The following DENND1A variants were observed in gnomAD, a reference collection of about 807,000 sequenced individuals.
The protein encoded by DENND1A is DENN domain-containing protein 1A.
A neutral mutation model predicts 113.7 loss-of-function variants in DENND1A; 51 were observed. The observed-to-expected ratio is 0.45, with a 90% CI of 0.36 to 0.57. The LOEUF is 0.57. Ranked by LOEUF, DENND1A falls within the 20% of genes least tolerant of loss-of-function variation. The pLI is 0.00. For synonymous variants in DENND1A, 565 were observed against 570.8 expected (o/e 0.99, Z 0.14); for missense variants, 1,258 against 1,395.9 (o/e 0.90, Z 1.57).
intron 10 of DENND1A, among the ~76,000 whole-genome samples, chr9:123,612,424 C>T (rs2060459288): frequency 6.6e-6 from 1 of 152,156 alleles, no homozygotes; most frequent in African/African-American, 2.4e-5. Flanking sequence ...AGAAAAACAC[C>T]TACCCATGAT....
intron 13 of DENND1A, among the ~76,000 whole-genome samples, chr9:123,545,612 G>A (rs73578144): frequency 0.05 from 7,667 of 151,882 alleles, 367 homozygotes; most frequent in African/African-American, 0.12. Flanking sequence ...GACTACAGGC[G>A]CCCGCCACCA....
chr9:123,783,107 C>A (rs1361336462), intron 3 of DENND1A, among the ~76,000 whole-genome samples: 1 of 152,182 alleles, frequency 6.6e-6, no homozygotes, highest in Non-Finnish European at 1.5e-5. Flanking sequence ...TACTAAATTT[C>A]TGAAGTTTTG....
intron 1 of DENND1A, among the ~76,000 whole-genome samples, chr9:123,890,449 G>A (rs1437994921): frequency 6.6e-6 from 1 of 152,182 alleles, no homozygotes; most frequent in Non-Finnish European, 1.5e-5. Context: ...TTGATGACTT[G>A]CTTTTATGTT....
intron 19 of DENND1A, among the ~76,000 whole-genome samples, chr9:123,435,090 G>T (rs115203374): frequency 6.6e-6 from 1 of 152,154 alleles, no homozygotes; most frequent in East Asian, 1.9e-4. Context: ...AGTGAGTTTG[G>T]TGGGGAGTGT....
At chr9:123,915,431 A>T (rs1161729256) in intron 1 of DENND1A, among the ~76,000 whole-genome samples, 1 of 152,186 alleles carries the variant, frequency 6.6e-6, no homozygotes, top group African/African-American at 2.4e-5. Flanking sequence ...ATAATGTTAA[A>T]GCATAACTTT....
intron 2 of DENND1A, among the ~76,000 whole-genome samples, chr9:123,840,725 T>TTAA (rs1378044425): frequency 6.6e-6 from 1 of 152,166 alleles, no homozygotes; most frequent in Non-Finnish European, 1.5e-5. Flanking sequence ...ACTCACTATA[T>TTAA]TAACCCTAAC....
At chr9:123,808,320 A>C (rs754781444) in intron 2 of DENND1A, among the ~76,000 whole-genome samples, 2 of 152,122 alleles carry the variant, frequency 1.3e-5, no homozygotes, top group African/African-American at 4.8e-5. Flanking sequence ...GCATGCATCA[A>C]AGTCACCTGA....
At chr9:123,900,935 A>T (rs1851516412) in intron 1 of DENND1A, among the ~76,000 whole-genome samples, 1 of 152,340 alleles carries the variant, frequency 6.6e-6, no homozygotes, top group African/African-American at 2.4e-5. Context: ...TAAACATGAA[A>T]ATTTAACAAG....
intron 4 of DENND1A, among the ~76,000 whole-genome samples, chr9:123,758,553 T>C (rs1011438841): frequency 3.3e-5 from 5 of 152,202 alleles, no homozygotes. Flanking sequence ...CCTAAATTCC[T>C]ATATCTTTCA....
chr9:123,832,409 C>T (rs538158918), intron 2 of DENND1A, among the ~76,000 whole-genome samples: 14 of 152,262 alleles, frequency 9.2e-5, no homozygotes, highest in African/African-American at 3.4e-4. Flanking sequence ...GCAAGAGGAG[C>T]TCACACAGCA....
At chr9:123,516,915 A>AAAAAAAAAAAAAC (rs2053973741) in intron 13 of DENND1A, among the ~76,000 whole-genome samples, 1 of 144,674 alleles carries the variant, frequency 6.9e-6, no homozygotes, top group Non-Finnish European at 1.5e-5. Context: ...AAAAAAAAAA[A>AAAAAAAAAAAAAC]AAAAGAACGG....
At chr9:123,719,438 T>C (rs1383888454) in intron 5 of DENND1A, among the ~76,000 whole-genome samples, 5 of 152,090 alleles carry the variant, frequency 3.3e-5, no homozygotes, top group African/African-American at 1.2e-4. Flanking sequence ...CGCCTGGGAG[T>C]GCTCTCTAGG....
At chr9:123,474,609 T>C (rs1188815143) in intron 13 of DENND1A, among the ~76,000 whole-genome samples, 1 of 152,186 alleles carries the variant, frequency 6.6e-6, no homozygotes, top group African/African-American at 2.4e-5. Context: ...GGAAACTGTC[T>C]GGTGTTGGAG....
chr9:123,582,285 C>A (rs868473881), intron 12 of DENND1A, among the ~76,000 whole-genome samples: 1 of 152,170 alleles, frequency 6.6e-6, no homozygotes, highest in African/African-American at 2.4e-5. Flanking sequence ...GGAGAGCTGG[C>A]GAGACTCTCA....
intron 2 of DENND1A, among the ~76,000 whole-genome samples, chr9:123,836,129 T>C (rs888611709): frequency 6.6e-6 from 1 of 152,136 alleles, no homozygotes; most frequent in African/African-American, 2.4e-5. Context: ...AACCAGAAAT[T>C]TTATTGACAA....
At chr9:123,389,820 G>A (rs527900831) in intron 21 of DENND1A, among the ~76,000 whole-genome samples, 7 of 152,348 alleles carry the variant, frequency 4.6e-5, no homozygotes, top group African/African-American at 1.7e-4. Context: ...GGGGCAGAGG[G>A]TGCGCAGGCC....
At position 123,632,781 on chromosome 9, in the gene DENND1A, C is replaced by T. The variant is rs566845105; in HGVS notation, c.619-2305G>A. On this transcript the variant is annotated intron_variant, in intron 9 of 23. Transcript: ENST00000394215. ...TACTCCTTTTCCTCCCATCCCTTTC[C>T]ACCCGTCCCCCAAACTGGCCTGGAT... is the stretch of plus-strand genomic sequence containing the variant. Among the ~76,000 whole-genome samples, 3 of 152,236 alleles carry T rather than the reference C, an allele frequency of 2.0e-5. No individual in the cohort carries two copies. The South Asian group carries it at 6.2e-4, about 32-fold the overall frequency.
In DENND1A at chr9:123,784,669, A is replaced by G. The variant is rs534619593; in HGVS notation, c.132+7918T>C. Among the ~76,000 whole-genome samples, 279 of 152,352 alleles carry G rather than the reference A, an allele frequency of 1.8e-3. 1 individual carries two copies. Among genetic ancestry groups the G allele is most frequent in the South Asian group, 8.5e-3 (41 of 4,830 alleles). ...GGATCCAGAATAAACCCAAGAGAACATTCTCATAAGAATGTGTAAGTAAGG... is the reference window on the plus strand; with the variant it reads ...GGATCCAGAATAAACCCAAGAGAACGTTCTCATAAGAATGTGTAAGTAAGG... On this transcript the variant is annotated intron_variant, in intron 3 of 23. Transcript: ENST00000394215.
Position 123,617,792 on chromosome 9 carries a change from G to A in DENND1A, c.720-8311C>T, listed in dbSNP as rs560315005. On this transcript the variant is annotated intron_variant, in intron 10 of 23. Transcript: ENST00000394215. ...AACCGTAATAGCTAAAGCCAGACAC[G>A]GAAAGGAAGTCTCAAGTTGTGAGCC... Among the ~76,000 whole-genome samples the A allele has an allele frequency of 3.9e-5, 6 of 152,158 alleles. No individual in the cohort carries two copies. In the South Asian group the frequency reaches 8.3e-4, roughly 21 times the overall value.
Sources: gnomAD v4.1 joint callset for allele counts (sites outside exome capture counted in the v4.1 genomes callset) on GRCh38, gnomAD v4.1.1 for gene constraint, MANE v1.5 for transcripts, NCBI Gene and HGNC (gene_info 2026-07-23, HGNC 2026-07-21) for gene names.